CHL1: variants seen among roughly 807,000 people sequenced by gnomAD.
The protein encoded by CHL1 is cell adhesion molecule L1 like.
A neutral mutation model predicts 141.9 loss-of-function variants in CHL1; 96 were observed. The ratio of observed to expected loss-of-function variants is 0.68; its 90% CI spans 0.57 to 0.80. CHL1 has a LOEUF of 0.80. CHL1 is among the 30% of genes least tolerant of loss of function. The pLI, the probability that CHL1 is intolerant of heterozygous loss-of-function variation, is 0.00. For missense variants in CHL1, 1,820 were observed against 1,457.2 expected, an observed-to-expected ratio of 1.25 and a Z score of -4.05; for synonymous variants, 613 against 502.2, an observed-to-expected ratio of 1.22 and a Z score of -2.95.
At chr3:378,053 T>A (rs1452704424) in intron 16 of CHL1, 111 bp downstream of exon 16, 6 of 934,666 alleles carry the variant, frequency 6.4e-6, no homozygotes, top group Admixed American at 3.1e-5. Context: ...CATATATTGT[T>A]AGTTTCAAAT....
At chr3:359,470 T>G (rs1704015279) in intron 11 of CHL1, among the ~76,000 whole-genome samples, 1 of 151,994 alleles carries the variant, frequency 6.6e-6, no homozygotes, top group Admixed American at 6.6e-5. Context: ...ACCTGGCTGA[T>G]TTTTGTATTT....
chr3:224,854 AG>A (rs1701176278), intron 1 of CHL1, among the ~76,000 whole-genome samples: 1 of 152,178 alleles, frequency 6.6e-6, no homozygotes, highest in African/African-American at 2.4e-5. Context: ...AACAACTCAG[AG>A]CCGGGTGCAG....
chr3:304,225 G>C (rs1374756279), intron 2 of CHL1, among the ~76,000 whole-genome samples: 1 of 152,148 alleles, frequency 6.6e-6, no homozygotes, highest in Non-Finnish European at 1.5e-5. Context: ...GTTTCTGCCA[G>C]GTTTTGGTAT....
chr3:390,661 G>T, intron 20 of CHL1, 40 bp from the exon 21 acceptor site: 2 of 1,138,490 alleles, frequency 1.8e-6, no homozygotes, highest in East Asian at 2.3e-5. Context: ...AATCACATTT[G>T]CAGGTTATTG....
chr3:322,692 C>T (rs1012318673), intron 3 of CHL1, among the ~76,000 whole-genome samples: 13 of 130,894 alleles, frequency 9.9e-5, no homozygotes, highest in East Asian at 4.4e-4. Flanking sequence ...ATATATAAAA[C>T]GAATAGCTGG....
Position 394,822 on chromosome 3 carries a change from A to G in CHL1, c.3044A>G (p.Gln1015Arg), listed in dbSNP as rs1372990634. 26 of 1,613,964 alleles carry G rather than the reference A, an allele frequency of 1.6e-5. No homozygotes were observed. Among genetic ancestry groups the G allele is most frequent in the Non-Finnish European group, 2.1e-5 (25 of 1,179,930 alleles). The change falls in exon 24 of 28, where the codon CAG becomes CGG. Residue 1015 changes from glutamine (Q) to arginine (R), a missense_variant. By Grantham distance (43) the Gln-to-Arg change is conservative (BLOSUM62 1). Coordinates refer to ENST00000256509, the MANE Select transcript of CHL1 (RefSeq NM_006614.4). The stretch of plus-strand genomic sequence containing the variant: ...TTCTACTTGAGGGCTTGCACTTCAC[A>G]GGGCTGTGGAAAACCGATCACGGAG... Reference protein sequence around the residue: ...YKFYLRACTSQGCGKPITEES... With the variant: ...YKFYLRACTSRGCGKPITEES...
intron 2 of CHL1, among the ~76,000 whole-genome samples, chr3:276,648 G>A (rs915926191): frequency 6.6e-5 from 10 of 151,872 alleles, no homozygotes; most frequent in African/African-American, 2.4e-4. Context: ...CCAGCACTTT[G>A]GGAGGCCGAG....
At chr3:227,915 A>G (rs929423852) in intron 1 of CHL1, among the ~76,000 whole-genome samples, 14 of 152,166 alleles carry the variant, frequency 9.2e-5, no homozygotes, top group Admixed American at 5.9e-4. Context: ...TGATAACAGC[A>G]CTCGTCTTTT....
rs763620734 is a variant in CHL1, at chr3:389,346, T to C, written c.2342T>C (p.Val781Ala). ...GAPVEWEEET[V>A]TNHTLRVMTP... is the part of the protein sequence containing the mutation. ...CCAGTGGAGTGGGAAGAAGAAACAG[T>C]CACAAACCACACATTGCGGGTGATG... The change falls in exon 20 of 28, where the codon GTC (valine) becomes GCC (alanine). Residue 781 changes from valine (V) to alanine (A), a missense_variant. Coordinates refer to ENST00000256509, the MANE Select transcript of CHL1 (RefSeq NM_006614.4). 2.8e-5 allele frequency: 45 copies of C among 1,613,948 alleles called. No homozygotes were observed. The highest frequency in any genetic ancestry group is 3.4e-6 in the Non-Finnish European group (4 of 1,180,000).
At chr3:256,180 C>T (rs893837555) in intron 2 of CHL1, among the ~76,000 whole-genome samples, 2 of 144,930 alleles carry the variant, frequency 1.4e-5, no homozygotes, top group African/African-American at 5.0e-5. Flanking sequence ...AGAGATGAAA[C>T]ATGAAAGTGA....
intron 2 of CHL1, among the ~76,000 whole-genome samples, chr3:262,859 A>C (rs1392933503): frequency 3.3e-5 from 5 of 152,202 alleles, no homozygotes; most frequent in African/African-American, 1.2e-4. Context: ...TCACTGTGCA[A>C]ACTAATCAAA....
Position 405,893 on chromosome 3 carries a change from C to CT in CHL1, c.*184dup. 1.8e-6 allele frequency: 1 copy of CT among 559,334 alleles called. No individual in the cohort carries two copies. Among genetic ancestry groups the CT allele is most frequent in the South Asian group, 2.1e-5 (1 of 46,982 alleles). The allele number at this position is 559,334 out of a possible 1,614,324, so 34.6% of individuals were successfully genotyped here. On this transcript the variant is annotated 3_prime_UTR_variant, in exon 28 of 28. Transcript: ENST00000256509. ...TCTTCAAAATATAAAATGCCAAGCA[C>CT]TTCAGGCCTATGTTTTGCTTATATT...
intron 5 of CHL1, among the ~76,000 whole-genome samples, chr3:337,268 G>A (rs907973522): frequency 1.8e-4 from 25 of 142,664 alleles, no homozygotes; most frequent in African/African-American, 6.0e-4. Context: ...TCTGCTCACT[G>A]CAAGCTCCGC....
intron 1 of CHL1, among the ~76,000 whole-genome samples, chr3:229,351 C>G (rs1484217557): frequency 6.6e-6 from 1 of 152,136 alleles, no homozygotes; most frequent in African/African-American, 2.4e-5. Flanking sequence ...CTCTGACCAG[C>G]CAGTTTCCCC....
At chr3:232,789 G>A (rs768448387) in intron 1 of CHL1, among the ~76,000 whole-genome samples, 1 of 152,032 alleles carries the variant, frequency 6.6e-6, no homozygotes, top group Non-Finnish European at 1.5e-5. Flanking sequence ...CTTCAGAGAG[G>A]TTGGCTAAAT....
At chr3:323,416 G>C (rs1362844591) in intron 3 of CHL1, among the ~76,000 whole-genome samples, 1 of 151,972 alleles carries the variant, frequency 6.6e-6, no homozygotes, top group Non-Finnish European at 1.5e-5. Flanking sequence ...AATTCAGTGA[G>C]CGGGTATTTT....
chr3:393,286 T>C (rs140614907), intron 23 of CHL1, among the ~76,000 whole-genome samples: 7,118 of 149,572 alleles, frequency 0.048, 247 homozygotes, highest in Middle Eastern at 0.078. Flanking sequence ...CAATTCTAGA[T>C]GTTGAGCTCT....
intron 15 of CHL1, among the ~76,000 whole-genome samples, chr3:375,187 C>T (rs1169316756): frequency 3.3e-5 from 5 of 152,238 alleles, no homozygotes; most frequent in South Asian, 2.1e-4. Flanking sequence ...ATAGACCATA[C>T]ACTATGGTTA....
chr3:382,380 C>A, intron 17 of CHL1, 94 bp from the exon 18 acceptor site: 2 of 1,456,536 alleles, frequency 1.4e-6, no homozygotes, highest in Non-Finnish European at 1.9e-6. Context: ...CTTCTTATAA[C>A]ATCCTTTTGA....
Sources: gnomAD v4.1 joint callset for allele counts (sites outside exome capture counted in the v4.1 genomes callset) on GRCh38, gnomAD v4.1.1 for gene constraint, MANE v1.5 for transcripts, NCBI Gene and HGNC (gene_info 2026-07-23, HGNC 2026-07-21) for gene names.